KDM1A: variants seen among roughly 807,000 people sequenced by gnomAD.
KDM1A encodes lysine demethylase 1A.
KDM1A carries 49 observed loss-of-function variants against 109.4 expected under a neutral mutation model. The ratio of observed to expected loss-of-function variants is 0.45; its 90% CI spans 0.36 to 0.57. The LOEUF (loss-of-function observed/expected upper bound fraction) is 0.57. Ranked by LOEUF, KDM1A falls within the 20% of genes least tolerant of loss-of-function variation. The pLI is 0.00. For synonymous variants in KDM1A, 380 were observed against 415.4 expected (o/e 0.91, Z 1.04); for missense variants, 668 against 1,116.6 (o/e 0.60, Z 5.73).
chr1:23,077,957 C>G (rs1296703499), intron 16 of KDM1A, among the ~76,000 whole-genome samples: 1 of 152,178 alleles, frequency 6.6e-6, no homozygotes, highest in Non-Finnish European at 1.5e-5. Flanking sequence ...AGGCTCAATG[C>G]TCATTATTAT....
At chr1:23,046,636 T>A (rs1642511874) in intron 3 of KDM1A, among the ~76,000 whole-genome samples, 1 of 152,202 alleles carries the variant, frequency 6.6e-6, no homozygotes. Context: ...TCTCCCGCTT[T>A]TTCTACTTCT....
chr1:23,062,707 T>A (rs1325495997), intron 9 of KDM1A, among the ~76,000 whole-genome samples: 1 of 152,244 alleles, frequency 6.6e-6, no homozygotes, highest in Non-Finnish European at 1.5e-5. Context: ...ATATTGAGTT[T>A]CTGTGCTTGT....
intron 9 of KDM1A, among the ~76,000 whole-genome samples, chr1:23,065,713 T>G (rs1359300102): frequency 1.3e-5 from 2 of 152,208 alleles, no homozygotes; most frequent in Non-Finnish European, 2.9e-5. Flanking sequence ...TTTGTTTGTT[T>G]GATTTTGTTG....
intron 8 of KDM1A, among the ~76,000 whole-genome samples, chr1:23,058,579 C>G (rs545399536): frequency 6.6e-6 from 1 of 152,242 alleles, no homozygotes; most frequent in African/African-American, 2.4e-5. Flanking sequence ...AACTCCTGGC[C>G]TCAAGAGATT....
At chr1:23,083,117 T>C in intron 20 of KDM1A, 62 bp from the exon 21 acceptor site, 1 of 1,444,954 alleles carries the variant, frequency 6.9e-7, no homozygotes, top group Non-Finnish European at 9.5e-7. Context: ...ACTTAGCAAT[T>C]TAAGTACAAG....
chr1:23,061,814 G>C (rs1333558291), intron 9 of KDM1A, among the ~76,000 whole-genome samples: 1 of 151,926 alleles, frequency 6.6e-6, no homozygotes, highest in Non-Finnish European at 1.5e-5. Flanking sequence ...GCGCCACCAC[G>C]CCCCACTAAT....
At chr1:23,030,658 G>A (rs1213126439) in intron 2 of KDM1A, 24 bp downstream of exon 2, 8 of 1,497,038 alleles carry the variant, frequency 5.3e-6, no homozygotes, top group Non-Finnish European at 7.1e-6. Context: ...TCCAACCACA[G>A]TTCTGTTTTA....
chr1:23,045,941 T>A (rs1461868019), intron 3 of KDM1A, among the ~76,000 whole-genome samples: 3 of 152,202 alleles, frequency 2.0e-5, no homozygotes, highest in Non-Finnish European at 4.4e-5. Context: ...CTTCTCTTAA[T>A]GAAGCCAGAT....
intron 9 of KDM1A, among the ~76,000 whole-genome samples, chr1:23,065,543 A>G (rs1316921769): frequency 6.6e-6 from 1 of 152,216 alleles, no homozygotes; most frequent in South Asian, 2.1e-4. Flanking sequence ...CACTTGCAAC[A>G]TTCCTGTAAT....
chr1:23,043,283 C>T (rs1184621944), intron 2 of KDM1A, among the ~76,000 whole-genome samples: 1 of 152,198 alleles, frequency 6.6e-6, no homozygotes, highest in Non-Finnish European at 1.5e-5. Context: ...AAGGACCCTT[C>T]AGACGAGAGC....
At chr1:23,030,769 G>A (rs1042938426) in intron 2 of KDM1A, 135 bp downstream of exon 2, 104 of 826,374 alleles carry the variant, frequency 1.3e-4, no homozygotes, top group Non-Finnish European at 1.7e-4. Flanking sequence ...CTCCTGCCAT[G>A]TGTGTCTTTG....
intron 16 of KDM1A, among the ~76,000 whole-genome samples, chr1:23,078,713 G>A (rs1357402105): frequency 1.3e-5 from 2 of 152,170 alleles, no homozygotes; most frequent in African/African-American, 4.8e-5. Context: ...CCTTTCATTA[G>A]TCTAGATCAC....
intron 2 of KDM1A, among the ~76,000 whole-genome samples, chr1:23,041,475 C>T (rs1358444785): frequency 1.9e-5 from 2 of 107,910 alleles, no homozygotes; most frequent in Non-Finnish European, 3.4e-5. Context: ...CCGAGTCTTG[C>T]TGTGTTGCCC....
intron 1 of KDM1A, 108 bp downstream of exon 1, chr1:23,020,055 A>G (rs1641574595): frequency 2.5e-6 from 3 of 1,188,590 alleles, no homozygotes; most frequent in Middle Eastern, 2.7e-4. Flanking sequence ...GACCACTCAG[A>G]CCTCCCCTTG....
At chr1:23,020,225 T>C in intron 1 of KDM1A, 1 of 323,430 alleles carries the variant, frequency 3.1e-6, no homozygotes, top group East Asian at 4.9e-5. Flanking sequence ...AGGTCTTTCT[T>C]GCACACCTTT....
chr1:23,070,284 C>G (rs1334337756), intron 12 of KDM1A, among the ~76,000 whole-genome samples: 1 of 152,102 alleles, frequency 6.6e-6, no homozygotes, highest in East Asian at 1.9e-4. Flanking sequence ...TCAGCCTGGC[C>G]AAATGGTGAA....
chr1:23,053,708 C>T, intron 4 of KDM1A, 53 bp from the exon 5 acceptor site: 2 of 1,219,780 alleles, frequency 1.6e-6, no homozygotes, highest in Non-Finnish European at 2.4e-6. Context: ...TAAAGATAGT[C>T]AAATAACATA....
In KDM1A at chr1:23,019,710, C is replaced by G; in HGVS notation, c.114C>G (p.Ala38=). Residue 38 remains alanine, a synonymous_variant, in exon 1 of 21, where the codon GCC becomes GCG. Coordinates refer to ENST00000400181, the MANE Select transcript of KDM1A (RefSeq NM_001009999.3). ...AGGSENGSEV[A]AQPAGLSGPA... ...GCTCCGAGAACGGGTCTGAGGTGGCCGCGCAGCCCGCGGGCCTGTCGGGCC... is the reference window on the plus strand; with the variant it reads ...GCTCCGAGAACGGGTCTGAGGTGGCGGCGCAGCCCGCGGGCCTGTCGGGCC... The G allele has an allele frequency of 7.5e-7, 1 of 1,325,528 alleles. No individual in the cohort carries two copies. The highest frequency in any genetic ancestry group is 9.6e-7 in the Non-Finnish European group (1 of 1,039,256). 82.1% of individuals were successfully genotyped at this position (1,325,528 alleles called of 1,614,324 possible). A position where few individuals can be genotyped will look rare whatever the true frequency, so the allele number is the denominator to read the frequency against.
intron 18 of KDM1A, chr1:23,081,129 G>A (rs532263930): frequency 6.4e-5 from 16 of 250,246 alleles, no homozygotes; most frequent in African/African-American, 2.5e-4. Flanking sequence ...AAAGTAAAGC[G>A]ATGCTTAATA....
Sources: allele counts gnomAD v4.1 joint callset (sites outside exome capture counted in the v4.1 genomes callset), GRCh38; gene constraint gnomAD v4.1.1; transcripts MANE v1.5; gene names NCBI Gene and HGNC (gene_info 2026-07-23, HGNC 2026-07-21).